Variants in NOL8 observed in about 807,000 individuals in gnomAD.
NOL8 encodes nucleolar protein Nop132.
A neutral mutation model predicts 116.1 loss-of-function variants in NOL8; 93 were observed. The ratio of observed to expected loss-of-function variants is 0.80; its 90% CI spans 0.68 to 0.95. The LOEUF (loss-of-function observed/expected upper bound fraction) is 0.95, where lower values mean the gene tolerates loss of function less well. Among genes scored for constraint, NOL8 ranks in the 40% least tolerant of loss-of-function variants. The pLI is 0.00. For synonymous variants in NOL8, 419 were observed against 469.0 expected, an observed-to-expected ratio of 0.89 and a Z score of 1.38; for missense variants, 1,291 against 1,382.8, an observed-to-expected ratio of 0.93 and a Z score of 1.05.
intron 7 of NOL8, among the ~76,000 whole-genome samples, 180 bp from the exon 8 acceptor site, chr9:92,311,439 T>C (rs1232018755): frequency 6.6e-6 from 1 of 152,160 alleles, no homozygotes; most frequent in Non-Finnish European, 1.5e-5. Context: ...GAGAAAATAT[T>C]TGCAAACTAT....
At chr9:92,310,996 A>G in intron 8 of NOL8, 150 bp downstream of exon 8, 1 of 614,324 alleles carries the variant, frequency 1.6e-6, no homozygotes, top group Admixed American at 3.1e-5. Context: ...AAAATCTCCA[A>G]GACCCCTGTA....
chr9:92,310,917 G>A (rs1838721372), intron 8 of NOL8: 2 of 578,370 alleles, frequency 3.5e-6, no homozygotes, highest in Middle Eastern at 3.7e-4. Context: ...TGCAAGAACA[G>A]TTTTTGTAGC....
At chr9:92,313,260 G>A (rs1839018005) in intron 7 of NOL8, among the ~76,000 whole-genome samples, 1 of 152,062 alleles carries the variant, frequency 6.6e-6, no homozygotes, top group South Asian at 2.1e-4. Flanking sequence ...CCTCCCCAAA[G>A]GCTCTCCTTG....
chr9:92,307,879 AAAC>A (rs1393643591), intron 10 of NOL8, among the ~76,000 whole-genome samples: 2 of 152,230 alleles, frequency 1.3e-5, no homozygotes, highest in African/African-American at 4.8e-5. Context: ...TAGGTGTTGG[AAAC>A]AAAACGAACA....
At chr9:92,313,384 G>A (rs574828725) in intron 7 of NOL8, among the ~76,000 whole-genome samples, 2 of 152,278 alleles carry the variant, frequency 1.3e-5, no homozygotes, top group East Asian at 3.9e-4. Flanking sequence ...AGGCTTTGCA[G>A]GCCACATATC....
In NOL8 at chr9:92,297,777, G is replaced by T; in HGVS notation, c.*59C>A. 2.4e-6 allele frequency: 3 copies of T among 1,265,578 alleles called. No homozygotes were observed. The highest frequency in any genetic ancestry group is 3.3e-6 in the Non-Finnish European group (3 of 921,438). The allele number at this position is 1,265,578 out of a possible 1,614,324, so 78.4% of individuals were successfully genotyped here. A position where few individuals can be genotyped will look rare whatever the true frequency, so the allele number is the denominator to read the frequency against. On this transcript the variant is annotated 3_prime_UTR_variant, in exon 17 of 17. Coordinates refer to ENST00000442668, the MANE Select transcript of NOL8 (RefSeq NM_017948.6). ...TCTTTGTCAGCTAAAACTGTTTTCT[G>T]GGTCAGTTTCCTTAGGTGAGCCTTG... is the stretch of plus-strand genomic sequence containing the variant.
intron 11 of NOL8, among the ~76,000 whole-genome samples, chr9:92,306,532 G>A (rs1838276316): frequency 6.6e-6 from 1 of 152,080 alleles, no homozygotes; most frequent in Non-Finnish European, 1.5e-5. Flanking sequence ...TGGTGTACAG[G>A]TAATGATGGT....
At position 92,297,794 on chromosome 9, in the gene NOL8, T is replaced by G; in HGVS notation, c.*42A>C. 52 of 1,461,506 alleles carry G rather than the reference T, an allele frequency of 3.6e-5. No homozygotes were observed. The highest frequency in any genetic ancestry group is 4.6e-5 in the Non-Finnish European group (50 of 1,077,606). 90.5% of individuals were successfully genotyped at this position (1,461,506 alleles called of 1,614,324 possible). Reference sequence around the variant, plus strand: ...TGTTTTCTGGGTCAGTTTCCTTAGGTGAGCCTTGTTCACATTCAGTATCAA... The same window carrying G: ...TGTTTTCTGGGTCAGTTTCCTTAGGGGAGCCTTGTTCACATTCAGTATCAA... On this transcript the variant is annotated 3_prime_UTR_variant, in exon 17 of 17. Transcript: ENST00000442668.
In NOL8 at chr9:92,323,951, G is replaced by T. The variant is rs528092171; in HGVS notation, c.139+72C>A. The T allele has an allele frequency of 5.3e-6, 8 of 1,505,272 alleles. No individual in the cohort carries two copies. In the South Asian group the frequency reaches 9.9e-5, roughly 19 times the overall value. The allele number at this position is 1,505,272 out of a possible 1,614,324, so 93.2% of individuals were successfully genotyped here. On this transcript the variant is annotated intron_variant, in intron 2 of 16. Transcript: ENST00000442668. ...GTTCAGAGCTAACATTTATCTTGGG[G>T]TTGTTTTATTTTCTAGCACTTAACC...
intron 4 of NOL8, chr9:92,320,267 A>G (rs375189769): frequency 6.7e-6 from 3 of 445,960 alleles, no homozygotes; most frequent in East Asian, 1.4e-4. Context: ...CAGAATAACC[A>G]TCAGACCCAT....
chr9:92,310,259 G>A lies in NOL8; in HGVS notation c.2598C>T (p.Leu866=), dbSNP rs1477591940. The change falls in exon 10 of 17, where the codon CTC becomes CTT. Residue 866 remains leucine, a splice_region_variant and synonymous_variant. Transcript: ENST00000442668. ...TGCCAAAGTGCGACTGTAAATCCAT[G>A]AGCTACACAGACAGAAAACATACAT... ...PQFEGRAGQK[L]MDLQSHFGTD... is the part of the protein sequence containing the mutation. The A allele has an allele frequency of 1.2e-6, 2 of 1,603,622 alleles. No individual in the cohort carries two copies. The highest frequency in any genetic ancestry group is 2.7e-5 in the African/African-American group (2 of 74,782).
intron 10 of NOL8, among the ~76,000 whole-genome samples, chr9:92,307,503 G>GA (rs1038793031): frequency 7.2e-5 from 11 of 152,156 alleles, no homozygotes; most frequent in Non-Finnish European, 1.3e-4. Flanking sequence ...AGTATTATGG[G>GA]AAAAAAACCA....
At chr9:92,304,337 G>A (rs188941104) in intron 12 of NOL8, among the ~76,000 whole-genome samples, 34 of 152,334 alleles carry the variant, frequency 2.2e-4, no homozygotes, top group South Asian at 6.2e-4. Context: ...GTTATCCAAT[G>A]CCTGTTCCAC....
In NOL8 at chr9:92,315,835, G is replaced by T; in HGVS notation, c.790C>A (p.Pro264Thr). Reference sequence around the variant, plus strand: ...ACAGGTACAGGAGATGATTTAGAAGGAGTAATGGAATCACAAGTTCTTTTT... The same window carrying T: ...ACAGGTACAGGAGATGATTTAGAAGTAGTAATGGAATCACAAGTTCTTTTT... ...AQKRTCDSIT[P>T]SKSSPVPVSD... The change falls in exon 7 of 17, where the codon CCT becomes ACT. Residue 264 changes from proline to threonine, a missense_variant. Physicochemically the swap from Pro to Thr is conservative, Grantham distance 38. Coordinates refer to ENST00000442668, the MANE Select transcript of NOL8 (RefSeq NM_017948.6). 1 of 1,613,966 alleles carries T rather than the reference G, an allele frequency of 6.2e-7. No individual in the cohort carries two copies. The highest frequency in any genetic ancestry group is 8.5e-7 in the Non-Finnish European group (1 of 1,179,864).
rs773869860 is a variant in NOL8, at chr9:92,318,647, G to C, written c.457C>G (p.Leu153Val). 2 of 1,602,210 alleles carry C rather than the reference G, an allele frequency of 1.2e-6. No individual in the cohort carries two copies. The highest frequency in any genetic ancestry group is 1.7e-6 in the Non-Finnish European group (2 of 1,176,512). ...CGTTTATGTTGATTTTTAAGGTGAA[G>C]AACAGGTAAGACTCTTCCAAATTTG... ...VSKFGRVLPV[L>V]HLKNQHKRKI... The change falls in exon 6 of 17, where the codon CTT (leucine) becomes GTT (valine). Residue 153 changes from leucine (L) to valine (V), a missense_variant. Coordinates refer to ENST00000442668, the MANE Select transcript of NOL8 (RefSeq NM_017948.6).
At chr9:92,300,500 A>G in intron 13 of NOL8, 1 of 989,752 alleles carries the variant, frequency 1.0e-6, no homozygotes, top group Non-Finnish European at 1.2e-6. Context: ...CAGGACAATC[A>G]CCTCACAAGT....
Position 92,315,051 on chromosome 9 carries a change from C to T in NOL8, c.1574G>A (p.Ser525Asn). The change falls in exon 7 of 17, where the codon AGC becomes AAC. Residue 525 changes from serine to asparagine, a missense_variant. By Grantham distance (46) the Ser-to-Asn change is conservative. Coordinates refer to ENST00000442668, the MANE Select transcript of NOL8 (RefSeq NM_017948.6). Reference sequence around the variant, plus strand: ...GCGGAGGCCAGTGGGAGTCTTGGGGCTCTTGGAGCCTCTGTCAAACTTGCA... The same window carrying T: ...GCGGAGGCCAGTGGGAGTCTTGGGGTTCTTGGAGCCTCTGTCAAACTTGCA... ...TQCKFDRGSK[S>N]PKTPTGLRRG... 3 of 1,614,030 alleles carry T rather than the reference C, an allele frequency of 1.9e-6. No homozygotes were observed. The highest frequency in any genetic ancestry group is 2.5e-6 in the Non-Finnish European group (3 of 1,179,900).
In NOL8 at chr9:92,311,245, C is replaced by G. The variant is rs372418218; in HGVS notation, c.2373G>C (p.Glu791Asp). 1.2e-6 allele frequency: 2 copies of G among 1,613,262 alleles called. No individual in the cohort carries two copies. Among genetic ancestry groups the G allele is most frequent in the Non-Finnish European group, 8.5e-7 (1 of 1,179,368 alleles). Reference sequence around the variant, plus strand: ...CGAAGATGATGTGCGTTGGCTTATCCTCTGGATGACCATCCTAGGGAGGCC... The same window carrying G: ...CGAAGATGATGTGCGTTGGCTTATCGTCTGGATGACCATCCTAGGGAGGCC... ...NALANLDGHP[E>D]DKPTHIIFGS... The change falls in exon 8 of 17, where the codon GAG becomes GAC. Residue 791 changes from glutamate to aspartate, a missense_variant. Coordinates refer to ENST00000442668, the MANE Select transcript of NOL8 (RefSeq NM_017948.6).
In NOL8 at chr9:92,314,366, C is replaced by T. The variant is rs1839154724; in HGVS notation, c.2259G>A (p.Lys753=). The change falls in exon 7 of 17, where the codon AAG becomes AAA. Residue 753 remains lysine (K), a synonymous_variant. Transcript: ENST00000442668. The part of the protein sequence containing the change: ...SNSSDVSAKD[K]HAEDNEKRLA... Reference sequence around the variant, plus strand: ...AACGCTTCTCATTGTCTTCAGCATGCTTATCTTTAGCACTCACATCTGACG... The same window carrying T: ...AACGCTTCTCATTGTCTTCAGCATGTTTATCTTTAGCACTCACATCTGACG... 1.1e-5 allele frequency: 18 copies of T among 1,613,262 alleles called. No individual in the cohort carries two copies. The highest frequency in any genetic ancestry group is 1.4e-5 in the Non-Finnish European group (17 of 1,179,406).
Sources: gnomAD v4.1 joint callset for allele counts (sites outside exome capture counted in the v4.1 genomes callset) on GRCh38, gnomAD v4.1.1 for gene constraint, MANE v1.5 for transcripts, NCBI Gene and HGNC (gene_info 2026-07-23, HGNC 2026-07-21) for gene names.